CARS1: variants seen among roughly 807,000 people sequenced by gnomAD.
CARS1 encodes cysteinyl-tRNA synthetase 1.
Under a neutral mutation model 106.2 loss-of-function variants are expected in CARS1, and 48 were observed. The observed-to-expected ratio is 0.45, with a 90% CI of 0.36 to 0.57. The LOEUF (loss-of-function observed/expected upper bound fraction) is 0.57, where lower values mean the gene tolerates loss of function less well. Among genes scored for constraint, CARS1 ranks in the 20% least tolerant of loss-of-function variants. The pLI, the probability that CARS1 is intolerant of heterozygous loss-of-function variation, is 0.00. For synonymous variants in CARS1, 409 were observed against 403.4 expected (o/e 1.01, Z -0.17); for missense variants, 968 against 1,057.2 (o/e 0.92, Z 1.17).
At chr11:3,011,037 C>T (rs1590339554) in intron 18 of CARS1, among the ~76,000 whole-genome samples, 1 of 152,222 alleles carries the variant, frequency 6.6e-6, no homozygotes, top group African/African-American at 2.4e-5. Flanking sequence ...TGTGACCCGG[C>T]CAGGGCTCTC....
Position 3,047,917 on chromosome 11 carries a change from T to C in CARS1, c.110A>G (p.Tyr37Cys), listed in dbSNP as rs756665201. ...ALNEHLSTRS[Y>C]VQGYSLSQAD... ...CTGGGACAGTGAGTACCCCTGGACATAGCTACGCGTGCTGAGGTGCTCGTT... is the reference window on the plus strand; with the variant it reads ...CTGGGACAGTGAGTACCCCTGGACACAGCTACGCGTGCTGAGGTGCTCGTT... Residue 37 changes from tyrosine (Y) to cysteine (C), a missense_variant, in exon 2 of 23, where the codon TAT becomes TGT. By Grantham distance (194) the Tyr-to-Cys change is radical (BLOSUM62 -2). Transcript: ENST00000380525. 1.9e-6 allele frequency: 3 copies of C among 1,614,134 alleles called. No individual in the cohort carries two copies. Among genetic ancestry groups the C allele is most frequent in the Non-Finnish European group, 2.5e-6 (3 of 1,180,016 alleles).
At chr11:3,036,015 G>A (rs1029656722) in intron 7 of CARS1, among the ~76,000 whole-genome samples, 4 of 152,226 alleles carry the variant, frequency 2.6e-5, no homozygotes, top group Non-Finnish European at 5.9e-5. Context: ...TTTCCTCCTG[G>A]GGAGTCAGGA....
At chr11:3,031,139 G>A (rs970017157) in intron 7 of CARS1, 3 of 152,148 alleles carry the variant, frequency 2.0e-5, no homozygotes, top group Non-Finnish European at 4.4e-5. Flanking sequence ...CCAGCCCCGG[G>A]AAGCACACAA....
In CARS1 at chr11:3,017,918, G is replaced by A. The variant is rs753351440; in HGVS notation, c.1666C>T (p.Pro556Ser). ...TCAAACTGACCAGTGATGTCAACAGGAGCGCGAAGGATATCTTTCACATTT... is the reference window on the plus strand; with the variant it reads ...TCAAACTGACCAGTGATGTCAACAGAAGCGCGAAGGATATCTTTCACATTT... ...FLNVKDILRA[P>S]VDITGQFEKW... The change falls in exon 15 of 23, where the codon CCT (proline) becomes TCT (serine). Residue 556 changes from proline (P) to serine (S), a missense_variant. Physicochemically the swap from Pro to Ser is moderately conservative, Grantham distance 74. Coordinates refer to ENST00000380525, the MANE Select transcript of CARS1 (RefSeq NM_001014437.3). The surrounding 1 kb of genome is among the most constrained non-coding windows in gnomAD (Gnocchi z 4.9). 1.6e-5 allele frequency: 26 copies of A among 1,613,796 alleles called. No homozygotes were observed. The highest frequency in any genetic ancestry group is 2.5e-6 in the Non-Finnish European group (3 of 1,179,864).
At chr11:3,023,986 G>C (rs537431808) in intron 10 of CARS1, among the ~76,000 whole-genome samples, 6 of 152,226 alleles carry the variant, frequency 3.9e-5, no homozygotes, top group African/African-American at 1.4e-4. Context: ...TCCGCCTCCA[G>C]GGTTCAAGCG....
chr11:3,052,254 A>C lies in CARS1; in HGVS notation c.26-4253T>G, dbSNP rs751002925. Among the ~76,000 whole-genome samples, 5 of 152,130 alleles carry C rather than the reference A, an allele frequency of 3.3e-5. No homozygotes were observed. Among genetic ancestry groups the C allele is most frequent in the Non-Finnish European group, 7.4e-5 (5 of 68,022 alleles). On this transcript the variant is annotated intron_variant, in intron 1 of 22. Coordinates refer to ENST00000380525, the MANE Select transcript of CARS1 (RefSeq NM_001014437.3). This position sits in a 1 kb window ranked among gnomAD's most constrained non-coding sequence, Gnocchi z 4.6. ...GGGCTGAGTACCTACACTCACACACACGGCGGCATTTCCTCACGGTAAAAC... is the reference window on the plus strand; with the variant it reads ...GGGCTGAGTACCTACACTCACACACCCGGCGGCATTTCCTCACGGTAAAAC...
In CARS1 at chr11:3,037,382, C is replaced by T. The variant is rs1007237530; in HGVS notation, c.801+668G>A. ...GTGGTGAGGGAAGGCAGGGCTGCGGCCTCAGTGGGGCCTCTTTTTCTACAC... is the reference window on the plus strand; with the variant it reads ...GTGGTGAGGGAAGGCAGGGCTGCGGTCTCAGTGGGGCCTCTTTTTCTACAC... On this transcript the variant is annotated intron_variant, in intron 7 of 22. Coordinates refer to ENST00000380525, the MANE Select transcript of CARS1 (RefSeq NM_001014437.3). This position sits in a 1 kb window ranked among gnomAD's most constrained non-coding sequence, Gnocchi z 5.9. Among the ~76,000 whole-genome samples the T allele has an allele frequency of 2.0e-5, 3 of 152,192 alleles. No homozygotes were observed. Among genetic ancestry groups the T allele is most frequent in the Admixed American group, 1.3e-4 (2 of 15,286 alleles).
intron 2 of CARS1, among the ~76,000 whole-genome samples, chr11:3,047,440 C>T (rs971372453): frequency 5.3e-5 from 8 of 152,198 alleles, no homozygotes; most frequent in African/African-American, 1.4e-4. Flanking sequence ...AAGGCTAGGG[C>T]CCGTGGCCTG....
intron 10 of CARS1, among the ~76,000 whole-genome samples, chr11:3,025,103 G>A (rs907996717): frequency 6.6e-6 from 1 of 152,124 alleles, no homozygotes; most frequent in Non-Finnish European, 1.5e-5. Context: ...GAGCTGAGGC[G>A]CTTCATCATC....
At chr11:3,002,106 C>T (rs938030684) in intron 21 of CARS1, 53 bp from the exon 22 acceptor site, 17 of 1,226,268 alleles carry the variant, frequency 1.4e-5, no homozygotes, top group African/African-American at 3.0e-5. Context: ...CCTGGGGCTC[C>T]GCACTGTGAA....
chr11:3,014,512 C>T (rs1850798314), intron 17 of CARS1, among the ~76,000 whole-genome samples: 1 of 152,268 alleles, frequency 6.6e-6, no homozygotes. Context: ...CCCCCACAAC[C>T]ACAGCAGCCG....
At chr11:3,018,547 C>A in intron 13 of CARS1, 36 bp from the exon 14 acceptor site, 2 of 1,612,548 alleles carry the variant, frequency 1.2e-6, no homozygotes, top group Non-Finnish European at 8.5e-7. Flanking sequence ...CGCCCTTATT[C>A]TCCCGAGTGC....
intron 10 of CARS1, among the ~76,000 whole-genome samples, chr11:3,023,158 A>G (rs1851731337): frequency 6.6e-6 from 1 of 152,188 alleles, no homozygotes; most frequent in African/African-American, 2.4e-5. Flanking sequence ...AATTCATCAT[A>G]AAGTGGTGAG....
rs1051066933 is a variant in CARS1, at chr11:3,004,700, T to G, written c.2217+666A>C. The stretch of plus-strand genomic sequence containing the variant: ...GGCACCGAGGAACTTGGGCCATCCC[T>G]GATCCTGGGGGCGTTGTGGGGTGCA... On this transcript the variant is annotated intron_variant, in intron 20 of 22. Transcript: ENST00000380525. This position sits in a 1 kb window ranked among gnomAD's most constrained non-coding sequence, Gnocchi z 5.2. Among the ~76,000 whole-genome samples, 3 of 152,198 alleles carry G rather than the reference T, an allele frequency of 2.0e-5. No homozygotes were observed. The highest frequency in any genetic ancestry group is 2.9e-5 in the Non-Finnish European group (2 of 68,030).
At chr11:3,001,907 C>G in intron 22 of CARS1, 63 bp downstream of exon 22, 2 of 1,255,124 alleles carry the variant, frequency 1.6e-6, no homozygotes, top group South Asian at 1.2e-5. Context: ...AAATTCCTGT[C>G]CTCCCACTTT....
At chr11:3,047,601 A>T in intron 2 of CARS1, 152 bp downstream of exon 2, 2 of 1,025,592 alleles carry the variant, frequency 2.0e-6, no homozygotes, top group Non-Finnish European at 2.9e-6. Flanking sequence ...CAAGCGCTGC[A>T]TCTGCCCATC....
chr11:3,013,240 C>T (rs1850670575), intron 17 of CARS1, among the ~76,000 whole-genome samples: 1 of 151,894 alleles, frequency 6.6e-6, no homozygotes, highest in South Asian at 2.1e-4. Context: ...GCAACCTCCA[C>T]CTTCCAGGTT....
intron 9 of CARS1, 49 bp from the exon 10 acceptor site, chr11:3,026,846 G>C: frequency 1.3e-6 from 2 of 1,579,584 alleles, no homozygotes; most frequent in Admixed American, 3.5e-5. Context: ...AGACCCGAAA[G>C]TGTGTCAGCA....
chr11:3,055,356 T>C (rs953280614), intron 1 of CARS1, among the ~76,000 whole-genome samples: 4 of 152,182 alleles, frequency 2.6e-5, no homozygotes, highest in African/African-American at 9.7e-5. Flanking sequence ...GGTTTCACCA[T>C]GGTCTCGATC....
Sources: gnomAD v4.1 joint callset for allele counts (sites outside exome capture counted in the v4.1 genomes callset) on GRCh38, gnomAD v4.1.1 for gene constraint, Gnocchi (gnomAD v3.1) non-coding constraint, MANE v1.5 for transcripts, NCBI Gene and HGNC (gene_info 2026-07-23, HGNC 2026-07-21) for gene names.